Variants in AKAP19 observed in about 807,000 individuals in gnomAD.
The protein encoded by AKAP19 is small A-kinase anchoring protein.
the AKAP19 span, among the ~76,000 whole-genome samples, chr2:190,188,288 T>C: frequency 6.6e-6 from 1 of 152,258 alleles, no homozygotes; most frequent in East Asian, 1.9e-4. Flanking sequence ...TTCTTTTGTG[T>C]ATCTTGAGAA....
chr2:189,931,593 T>C, the AKAP19 span, among the ~76,000 whole-genome samples: 8 of 152,102 alleles, frequency 5.3e-5, no homozygotes, highest in Admixed American at 5.2e-4. Context: ...CTCGAACTCC[T>C]GTCCTCAAGT....
the AKAP19 span, among the ~76,000 whole-genome samples, chr2:190,146,832 C>G: frequency 6.6e-6 from 1 of 152,136 alleles, no homozygotes; most frequent in Non-Finnish European, 1.5e-5. Context: ...CCTTAGCCCA[C>G]TTATTGATGG....
the AKAP19 span, among the ~76,000 whole-genome samples, chr2:190,027,332 A>C: frequency 6.6e-6 from 1 of 152,174 alleles, no homozygotes; most frequent in East Asian, 1.9e-4. Context: ...GGTCTCAACT[A>C]GCTAATTTCT....
chr2:190,152,420 T>C, the AKAP19 span, among the ~76,000 whole-genome samples: 201 of 152,292 alleles, frequency 1.3e-3, 1 homozygote, highest in African/African-American at 4.7e-3. Context: ...TGGCATGCAG[T>C]CTTCATTGTG....
chr2:190,098,487 TAGTC>T, the AKAP19 span, among the ~76,000 whole-genome samples: 2 of 152,136 alleles, frequency 1.3e-5, no homozygotes, highest in Non-Finnish European at 2.9e-5. Flanking sequence ...GGACTTAAAA[TAGTC>T]AGTAAACAGA....
chr2:190,114,502 C>A, the AKAP19 span, among the ~76,000 whole-genome samples: 1 of 152,196 alleles, frequency 6.6e-6, no homozygotes, highest in East Asian at 1.9e-4. Context: ...GTTGCCCAGG[C>A]GGGAGTCCAG....
chr2:190,153,337 A>G, the AKAP19 span, among the ~76,000 whole-genome samples: 6 of 152,232 alleles, frequency 3.9e-5, no homozygotes, highest in Admixed American at 3.9e-4. Flanking sequence ...CAGGTATACA[A>G]TCATACCATC....
the AKAP19 span, among the ~76,000 whole-genome samples, chr2:189,965,471 T>A: frequency 2.6e-5 from 4 of 151,434 alleles, no homozygotes; most frequent in Middle Eastern, 3.2e-3. Context: ...AACAGTCCCA[T>A]CAAAAAATGG....
At chr2:190,161,588 C>T in the AKAP19 span, among the ~76,000 whole-genome samples, 932 of 152,154 alleles carry the variant, frequency 6.1e-3, 7 homozygotes, top group African/African-American at 0.021. Flanking sequence ...GTTGACCTTT[C>T]GACAGCCTTT....
At chr2:190,034,537 A>AAG in the AKAP19 span, among the ~76,000 whole-genome samples, 1 of 145,938 alleles carries the variant, frequency 6.9e-6, no homozygotes. Flanking sequence ...TACAGTGCAA[A>AAG]AAAAAAAAAA....
chr2:190,067,187 A>G, the AKAP19 span, among the ~76,000 whole-genome samples: 2 of 152,202 alleles, frequency 1.3e-5, no homozygotes, highest in African/African-American at 2.4e-5. Context: ...TTGCTGACAG[A>G]GTCATGATGT....
chr2:189,925,775 T>C, the AKAP19 span, among the ~76,000 whole-genome samples: 1 of 151,970 alleles, frequency 6.6e-6, no homozygotes, highest in South Asian at 2.1e-4. Context: ...AAGAGATGAC[T>C]AAAGGAAGAG....
the AKAP19 span, among the ~76,000 whole-genome samples, chr2:189,928,154 G>C: frequency 6.6e-6 from 1 of 152,068 alleles, no homozygotes; most frequent in Non-Finnish European, 1.5e-5. Flanking sequence ...TATGAAATGT[G>C]CCTTATTTGG....
At chr2:190,066,554 T>C in the AKAP19 span, among the ~76,000 whole-genome samples, 1 of 152,288 alleles carries the variant, frequency 6.6e-6, no homozygotes, top group Admixed American at 6.5e-5. Context: ...TGATTATTCT[T>C]AGAGCCAGAA....
chr2:190,161,137 A>G, the AKAP19 span, among the ~76,000 whole-genome samples: 1 of 152,154 alleles, frequency 6.6e-6, no homozygotes, highest in Non-Finnish European at 1.5e-5. Context: ...TTTCTAAAAT[A>G]TACATAGTGG....
the AKAP19 span, among the ~76,000 whole-genome samples, chr2:190,011,200 G>A: frequency 6.6e-6 from 1 of 151,896 alleles, no homozygotes; most frequent in African/African-American, 2.4e-5. Context: ...TGGGATTACA[G>A]GCACCTACCA....
the AKAP19 span, among the ~76,000 whole-genome samples, chr2:190,131,287 C>A: frequency 6.6e-6 from 1 of 152,162 alleles, no homozygotes; most frequent in East Asian, 1.9e-4. Context: ...AGCTTTCACT[C>A]TTCTATTCCC....
At chr2:190,085,122 A>G in the AKAP19 span, among the ~76,000 whole-genome samples, 2 of 152,124 alleles carry the variant, frequency 1.3e-5, no homozygotes, top group African/African-American at 4.8e-5. Context: ...CCTTTTAACC[A>G]TAGATGCCAG....
the AKAP19 span, among the ~76,000 whole-genome samples, chr2:189,896,558 C>T: frequency 6.6e-6 from 1 of 151,898 alleles, no homozygotes; most frequent in African/African-American, 2.4e-5. Flanking sequence ...TTTGGTTGAT[C>T]TTGGCTAAAC....
Sources: gnomAD v4.1 joint callset for allele counts (sites outside exome capture counted in the v4.1 genomes callset) on GRCh38, gnomAD v4.1.1 for gene constraint, MANE v1.5 for transcripts, NCBI Gene and HGNC (gene_info 2026-07-23, HGNC 2026-07-21) for gene names.